The following SENP7 variants were observed in gnomAD, a reference collection of about 807,000 sequenced individuals.
SENP7 encodes SUMO specific peptidase 7, also known as sentrin-specific protease 7.
SENP7 carries 64 observed loss-of-function variants against 141.2 expected under a neutral mutation model. That is an observed-to-expected ratio of 0.45 (90% CI 0.37 to 0.56). SENP7 has a LOEUF of 0.56. SENP7 is among the 20% of genes least tolerant of loss of function. The pLI is 0.00. For synonymous variants in SENP7, 382 were observed against 426.4 expected, an observed-to-expected ratio of 0.90 and a Z score of 1.28; for missense variants, 1,025 against 1,212.2, an observed-to-expected ratio of 0.85 and a Z score of 2.29.
At chr3:101,449,477 G>A (rs1318605077) in intron 4 of SENP7, among the ~76,000 whole-genome samples, 3 of 152,154 alleles carry the variant, frequency 2.0e-5, no homozygotes, top group Non-Finnish European at 4.4e-5. Flanking sequence ...GAGGAAGGTC[G>A]GGTTACCCAC....
At chr3:101,502,504 G>A (rs1378144111) in intron 1 of SENP7, among the ~76,000 whole-genome samples, 2 of 152,016 alleles carry the variant, frequency 1.3e-5, no homozygotes, top group African/African-American at 4.8e-5. Flanking sequence ...GTTTCTCCAT[G>A]TTGGTCAGGC....
At chr3:101,436,295 C>G (rs1412375713) in intron 4 of SENP7, among the ~76,000 whole-genome samples, 1 of 152,136 alleles carries the variant, frequency 6.6e-6, no homozygotes, top group Non-Finnish European at 1.5e-5. Flanking sequence ...AGACTGAAAT[C>G]TAAAACCCCA....
intron 6 of SENP7, among the ~76,000 whole-genome samples, chr3:101,395,900 C>G (rs540070501): frequency 1.3e-5 from 2 of 152,280 alleles, no homozygotes; most frequent in African/African-American, 2.4e-5. Context: ...AAAATAATGA[C>G]TAACTTTTAA....
intron 4 of SENP7, among the ~76,000 whole-genome samples, chr3:101,425,009 C>T (rs1382167277): frequency 2.6e-5 from 4 of 152,192 alleles, no homozygotes; most frequent in African/African-American, 7.2e-5. Context: ...TTCATTCCCT[C>T]TTGTCCACCG....
chr3:101,331,416 G>C (rs765323692), intron 19 of SENP7, among the ~76,000 whole-genome samples: 2 of 149,614 alleles, frequency 1.3e-5, no homozygotes, highest in Non-Finnish European at 3.0e-5. Context: ...CCAGGAGTTC[G>C]AGGTTGCAAT....
At chr3:101,452,802 T>C (rs2063194672) in intron 4 of SENP7, among the ~76,000 whole-genome samples, 1 of 152,180 alleles carries the variant, frequency 6.6e-6, no homozygotes, top group Admixed American at 6.5e-5. Flanking sequence ...GACATAGGCA[T>C]GGGCAAGGAC....
chr3:101,458,752 T>C (rs568564710), intron 4 of SENP7: 68 of 421,770 alleles, frequency 1.6e-4, no homozygotes, highest in South Asian at 2.8e-4. Context: ...CTTATCAAGA[T>C]GTTCCAAATG....
In SENP7 at chr3:101,444,260, G is replaced by A. The variant is rs1049125245; in HGVS notation, c.284+14695C>T. ...GGAAACAACAGGTGCTGGAGAGGAT[G>A]TGGAGAAATAGGAACACTTTGACAC... On this transcript the variant is annotated intron_variant, in intron 4 of 23. Transcript: ENST00000394095. 1.2e-4 allele frequency among the ~76,000 whole-genome samples: 17 copies of A among 145,436 alleles called. 1 individual carries two copies. Among genetic ancestry groups the A allele is most frequent in the Non-Finnish European group, 2.0e-4 (13 of 66,162 alleles).
intron 4 of SENP7, among the ~76,000 whole-genome samples, chr3:101,419,019 A>C (rs2061706374): frequency 2.0e-5 from 3 of 152,208 alleles, no homozygotes; most frequent in African/African-American, 7.2e-5. Context: ...CCAATTCATT[A>C]TTTAATTAGA....
chr3:101,402,983 C>T (rs1190327847), intron 5 of SENP7, among the ~76,000 whole-genome samples: 2 of 152,180 alleles, frequency 1.3e-5, no homozygotes, highest in Non-Finnish European at 2.9e-5. Context: ...CAGTGATTTC[C>T]TCTGATGGGT....
At chr3:101,331,316 CA>C (rs918736706) in intron 19 of SENP7, among the ~76,000 whole-genome samples, 2 of 150,120 alleles carry the variant, frequency 1.3e-5, no homozygotes, top group African/African-American at 2.4e-5. Flanking sequence ...CCTATCTTTA[CA>C]AAAAAAAATT....
chr3:101,410,898 T>A (rs1011043811), intron 5 of SENP7, among the ~76,000 whole-genome samples: 2 of 59,930 alleles, frequency 3.3e-5, no homozygotes, highest in Admixed American at 2.1e-4. Context: ...AAGAATTAGA[T>A]ATGGTATCTG....
chr3:101,406,165 C>A (rs1434003306), intron 5 of SENP7, among the ~76,000 whole-genome samples: 1 of 152,100 alleles, frequency 6.6e-6, no homozygotes, highest in East Asian at 1.9e-4. Context: ...TTCACAATAG[C>A]AAAGACTTGG....
intron 4 of SENP7, among the ~76,000 whole-genome samples, chr3:101,425,040 A>G (rs1200704020): frequency 1.3e-5 from 2 of 151,896 alleles, no homozygotes. Context: ...TGTTCCTTTC[A>G]CCTTCTGCCA....
At chr3:101,389,785 C>T (rs1045096517) in intron 6 of SENP7, among the ~76,000 whole-genome samples, 1 of 151,832 alleles carries the variant, frequency 6.6e-6, no homozygotes, top group Non-Finnish European at 1.5e-5. Context: ...CAGAAAACCA[C>T]CAAACTGAAG....
At chr3:101,384,330 C>G (rs1291698581) in intron 6 of SENP7, among the ~76,000 whole-genome samples, 1 of 152,264 alleles carries the variant, frequency 6.6e-6, no homozygotes, top group Non-Finnish European at 1.5e-5. Context: ...GTGCTACACA[C>G]TCTTGCCACG....
At chr3:101,386,927 G>A (rs1389634723) in intron 6 of SENP7, among the ~76,000 whole-genome samples, 3 of 152,202 alleles carry the variant, frequency 2.0e-5, no homozygotes, top group South Asian at 4.1e-4. Flanking sequence ...CCATACAGGG[G>A]CCTAAAAATA....
chr3:101,332,927 G>T (rs772572903), intron 17 of SENP7, 65 bp from the exon 18 acceptor site: 2 of 1,428,352 alleles, frequency 1.4e-6, no homozygotes, highest in African/African-American at 1.5e-5. Flanking sequence ...GACTTCAAGA[G>T]CCATTTTTAT....
At position 101,325,060 on chromosome 3, in the gene SENP7, T is replaced by C. The variant is rs2058863624; in HGVS notation, c.*883A>G. The C allele has an allele frequency of 6.6e-6, 1 of 152,026 alleles. No individual in the cohort carries two copies. Among genetic ancestry groups the C allele is most frequent in the Non-Finnish European group, 1.5e-5 (1 of 67,958 alleles). The allele number at this position is 152,026 out of a possible 1,614,324, so 9.4% of individuals were successfully genotyped here. ...ATATTTAATTCTACCCATTAATAAA[T>C]AGGACTGAGGGTTTTCTTTGTTAAA... On this transcript the variant is annotated 3_prime_UTR_variant, in exon 24 of 24. Coordinates refer to ENST00000394095, the MANE Select transcript of SENP7 (RefSeq NM_020654.5).
Sources: gnomAD v4.1 joint callset for allele counts (sites outside exome capture counted in the v4.1 genomes callset) on GRCh38, gnomAD v4.1.1 for gene constraint, MANE v1.5 for transcripts, NCBI Gene and HGNC (gene_info 2026-07-23, HGNC 2026-07-21) for gene names.